The following SHROOM4 variants were observed in gnomAD, a reference collection of about 807,000 sequenced individuals.
SHROOM4 encodes the protein protein Shroom4.
SHROOM4 carries 17 observed loss-of-function variants against 80.3 expected under a neutral mutation model. That is an observed-to-expected ratio of 0.21 (90% CI 0.14 to 0.32). The LOEUF is 0.32. Ranked by LOEUF, SHROOM4 falls within the 10% of genes least tolerant of loss-of-function variation. SHROOM4 has a pLI of 1.00. For synonymous variants in SHROOM4, 400 were observed against 437.5 expected (o/e 0.91, Z 1.07); for missense variants, 993 against 1,140.3 (o/e 0.87, Z 1.86).
chrX:50,756,631 C>T (rs1935044691), intron 1 of SHROOM4, among the ~76,000 whole-genome samples: 1 of 112,375 alleles, frequency 8.9e-6, no homozygotes, highest in Admixed American at 9.4e-5. Context: ...TGAGAGTGTT[C>T]TGATATGCCA....
At chrX:50,769,964 C>T (rs1557269586) in intron 1 of SHROOM4, among the ~76,000 whole-genome samples, 1 of 109,807 alleles carries the variant, frequency 9.1e-6, no homozygotes, top group African/African-American at 3.3e-5. Flanking sequence ...TGAGTTCATT[C>T]CACATGTTCT....
At chrX:50,795,137 T>TG (rs1319853172) in intron 1 of SHROOM4, among the ~76,000 whole-genome samples, 3 of 2,668 alleles carry the variant, frequency 1.1e-3, no homozygotes, top group African/African-American at 1.7e-3. Context: ...GATATATATA[T>TG]ATATATATGA....
Position 50,589,956 on chromosome X carries a change from T to C in SHROOM4, c.*6739A>G, listed in dbSNP as rs1928833569. Among the ~76,000 whole-genome samples the C allele has an allele frequency of 8.9e-6, 1 of 112,346 alleles. No homozygotes were observed. Among genetic ancestry groups the C allele is most frequent in the Admixed American group, 9.4e-5 (1 of 10,655 alleles). On this transcript the variant is annotated 3_prime_UTR_variant, in exon 9 of 9. Transcript: ENST00000376020. ...CCAACACTTGTTATTGTTTGGCTTT[T>C]TGATATAGCTATTCTAGTGGGTATG...
chrX:50,748,458 G>C (rs1398859381), intron 1 of SHROOM4, among the ~76,000 whole-genome samples: 1 of 111,859 alleles, frequency 8.9e-6, no homozygotes, highest in East Asian at 2.8e-4. Flanking sequence ...AGATCAGCTG[G>C]AGGGAGATTT....
chrX:50,755,326 C>T (rs1281101500), intron 1 of SHROOM4, among the ~76,000 whole-genome samples: 5 of 111,665 alleles, frequency 4.5e-5, no homozygotes, highest in Non-Finnish European at 1.9e-5. Flanking sequence ...GCTGGTTTGC[C>T]AGCACTCCAC....
chrX:50,652,122 G>A lies in SHROOM4; in HGVS notation c.270-13814C>T, dbSNP rs782501605. ...CAGTAATGGGATTGCTAGATCAAACGGTATTTCTGGTTCCAGATCCTTGAG... is the reference window on the plus strand; with the variant it reads ...CAGTAATGGGATTGCTAGATCAAACAGTATTTCTGGTTCCAGATCCTTGAG... On this transcript the variant is annotated intron_variant, in intron 2 of 8. Transcript: ENST00000376020. Among the ~76,000 whole-genome samples, 40 of 111,680 alleles carry A rather than the reference G, an allele frequency of 3.6e-4. No individual in the cohort carries two copies. In the East Asian group the frequency reaches 3.7e-3, roughly 10 times the overall value.
intron 1 of SHROOM4, among the ~76,000 whole-genome samples, chrX:50,750,137 T>A (rs1208395637): frequency 8.9e-6 from 1 of 112,057 alleles, no homozygotes; most frequent in Non-Finnish European, 1.9e-5. Flanking sequence ...CAGATCTTCT[T>A]ACCATGAAAT....
At chrX:50,743,547 G>A (rs1480126400) in intron 1 of SHROOM4, among the ~76,000 whole-genome samples, 1 of 110,111 alleles carries the variant, frequency 9.1e-6, no homozygotes, top group African/African-American at 3.3e-5. Flanking sequence ...CCTTAACCCG[G>A]GCTCAAGCGA....
chrX:50,736,618 T>G (rs782764229), intron 1 of SHROOM4, among the ~76,000 whole-genome samples: 24 of 112,456 alleles, frequency 2.1e-4, no homozygotes, highest in African/African-American at 6.8e-4. Flanking sequence ...ACAGTATTCC[T>G]ACCACATTTT....
At chrX:50,798,259 C>T (rs1557272280) in intron 1 of SHROOM4, among the ~76,000 whole-genome samples, 2 of 111,639 alleles carry the variant, frequency 1.8e-5, no homozygotes, top group Non-Finnish European at 3.8e-5. Context: ...CTGCCAGTTA[C>T]TGGTCCAATG....
At chrX:50,787,992 CAA>C (rs782380441) in intron 1 of SHROOM4, among the ~76,000 whole-genome samples, 14 of 111,764 alleles carry the variant, frequency 1.3e-4, no homozygotes, top group Non-Finnish European at 1.9e-5. Flanking sequence ...AAAATACAGA[CAA>C]GTGTGAAATT....
rs1036237460 is a variant in SHROOM4 at position 50,602,921 on chromosome X, T to G, written c.3762-108A>C. 9 of 765,062 alleles carry G rather than the reference T, an allele frequency of 1.2e-5. No individual in the cohort carries two copies. The African/African-American group carries it at 1.5e-4, about 13-fold the overall frequency. The allele number at this position is 765,062 out of a possible 1,213,427, so 63.0% of individuals were successfully genotyped here. ...AATGGAACCCTGCTTCACCAAGGAG[T>G]TGAAAAAAATGGAGAAGGCACTGTT... On this transcript the variant is annotated intron_variant, in intron 6 of 8. Transcript: ENST00000376020.
chrX:50,768,859 T>C (rs1051790642), intron 1 of SHROOM4, among the ~76,000 whole-genome samples: 21 of 111,896 alleles, frequency 1.9e-4, no homozygotes, highest in African/African-American at 6.5e-4. Flanking sequence ...AGGTCTGGCA[T>C]CAACAGTCTT....
rs1557245716 is a variant in SHROOM4, at chrX:50,592,332, C to G, written c.*4363G>C. 1 of 262,468 alleles carries G rather than the reference C, an allele frequency of 3.8e-6. No homozygotes were observed. Among genetic ancestry groups the G allele is most frequent in the Admixed American group, 4.9e-5 (1 of 20,207 alleles). 21.6% of individuals were successfully genotyped at this position (262,468 alleles called of 1,213,427 possible). A position where few individuals can be genotyped will look rare whatever the true frequency, so the allele number is the denominator to read the frequency against. On this transcript the variant is annotated 3_prime_UTR_variant, in exon 9 of 9. Transcript: ENST00000376020. The stretch of plus-strand genomic sequence containing the variant: ...GGCCTGGGATTCTGCCTAATAACTT[C>G]TTGGATTGTTAGTGGCTTTTATTTA...
intron 3 of SHROOM4, among the ~76,000 whole-genome samples, chrX:50,636,715 AT>A (rs1183988202): frequency 9.0e-6 from 1 of 111,304 alleles, no homozygotes; most frequent in Non-Finnish European, 1.9e-5. Flanking sequence ...GGGACAGATT[AT>A]TATCTACACT....
At chrX:50,611,144 CTTTTTTTTTTTTT>C (rs782473243) in intron 5 of SHROOM4, among the ~76,000 whole-genome samples, 1 of 68,218 alleles carries the variant, frequency 1.5e-5, no homozygotes, top group African/African-American at 6.2e-5. Context: ...TTCTTTTTTT[CTTTTTTTTTTTTT>C]TTTTTTTTTG....
the SHROOM4 span, among the ~76,000 whole-genome samples, chrX:50,580,012 T>C: frequency 9.0e-6 from 1 of 111,615 alleles, no homozygotes; most frequent in African/African-American, 3.3e-5. Flanking sequence ...TCCCCATTCT[T>C]CCTTTCATCT....
At position 50,743,836 on chromosome X, in the gene SHROOM4, C is replaced by T. The variant is rs782576845; in HGVS notation, c.118-47899G>A. ...CTCCTAATCTTTGTTTATCTGGAAA[C>T]ATCTTTATTTCGCCTACATTTTTGA... On this transcript the variant is annotated intron_variant, in intron 1 of 8. Coordinates refer to ENST00000376020, the MANE Select transcript of SHROOM4 (RefSeq NM_020717.5). 2.7e-5 allele frequency among the ~76,000 whole-genome samples: 3 copies of T among 112,141 alleles called. No homozygotes were observed. The South Asian group carries it at 1.1e-3, about 41-fold the overall frequency.
At chrX:50,674,349 T>C (rs1932829839) in intron 2 of SHROOM4, among the ~76,000 whole-genome samples, 1 of 111,727 alleles carries the variant, frequency 9.0e-6, no homozygotes, top group Non-Finnish European at 1.9e-5. Context: ...CAGTCAAGAC[T>C]GTATGGTATT....
Sources: gnomAD v4.1 joint callset for allele counts (sites outside exome capture counted in the v4.1 genomes callset) on GRCh38, gnomAD v4.1.1 for gene constraint, MANE v1.5 for transcripts, NCBI Gene and HGNC (gene_info 2026-07-23, HGNC 2026-07-21) for gene names.